HOXC4: variants seen among roughly 807,000 people sequenced by gnomAD.
HOXC4 encodes homeobox protein Hox-C4.
In HOXC4, 15 loss-of-function variants were observed where a neutral mutation model predicts 25.5. The ratio of observed to expected loss-of-function variants is 0.59; its 90% CI spans 0.39 to 0.91. The LOEUF is 0.91. Ranked by LOEUF, HOXC4 falls within the 40% of genes least tolerant of loss-of-function variation. The pLI is 0.00. For synonymous variants in HOXC4, 165 were observed against 148.0 expected (o/e 1.11, Z -0.83); for missense variants, 342 against 352.4 (o/e 0.97, Z 0.24).
At chr12:54,029,498 A>T (rs1158215926) in intron 1 of HOXC4, 2 of 421,258 alleles carry the variant, frequency 4.7e-6, no homozygotes, top group Non-Finnish European at 7.7e-6. Context: ...CTGTACCCCC[A>T]GTGGGGGTGG....
rs764419681 is a variant in HOXC4 at position 54,055,170 on chromosome 12, G to C, written c.760G>C (p.Glu254Gln). 1.2e-6 allele frequency: 2 copies of C among 1,610,760 alleles called. No individual in the cohort carries two copies. Among genetic ancestry groups the C allele is most frequent in the Admixed American group, 3.3e-5 (2 of 59,768 alleles). The change falls in exon 2 of 2, where the codon GAG becomes CAG. Residue 254 changes from glutamate (E) to glutamine (Q), a missense_variant. Glu to Gln is a conservative substitution (Grantham distance 29). Coordinates refer to ENST00000430889, the MANE Select transcript of HOXC4 (RefSeq NM_153633.3). ...CCACTCCCAGAGCGCCACGCCGCCG[G>C]AGCAGCAACGGGCAGAGGACATTAC... ...EDHSQSATPP[E>Q]QQRAEDITRL
intron 1 of HOXC4, among the ~76,000 whole-genome samples, chr12:54,043,282 C>A (rs1279541470): frequency 6.6e-6 from 1 of 152,146 alleles, no homozygotes; most frequent in East Asian, 1.9e-4. Context: ...GATCTGCAAC[C>A]CCATATGGGC....
intron 1 of HOXC4, among the ~76,000 whole-genome samples, chr12:54,029,157 G>A (rs1279675494): frequency 6.6e-6 from 1 of 152,188 alleles, no homozygotes; most frequent in Non-Finnish European, 1.5e-5. Context: ...GGCTGAGGGG[G>A]CAGGAACAGG....
chr12:54,044,871 C>G (rs1269430650), intron 1 of HOXC4, among the ~76,000 whole-genome samples: 1 of 152,204 alleles, frequency 6.6e-6, no homozygotes. Flanking sequence ...TGGCAAGTCC[C>G]TCCCTTGTGC....
At chr12:54,041,980 T>TC (rs1555186448) in intron 1 of HOXC4, among the ~76,000 whole-genome samples, 6 of 141,362 alleles carry the variant, frequency 4.2e-5, no homozygotes, top group East Asian at 4.0e-4. Context: ...TTCTTTTCTT[T>TC]TTTTTTTTTT....
upstream of HOXC4, among the ~76,000 whole-genome samples, chr12:54,050,896 A>G (rs1212210815): frequency 6.6e-6 from 1 of 152,206 alleles, no homozygotes; most frequent in East Asian, 1.9e-4. Flanking sequence ...AATAGTGTGC[A>G]CGCATATATG....
chr12:54,039,024 C>T (rs564467937), intron 1 of HOXC4, among the ~76,000 whole-genome samples: 2 of 152,260 alleles, frequency 1.3e-5, no homozygotes, highest in Admixed American at 6.5e-5. Flanking sequence ...CCTCCCTGTG[C>T]GTCACCGGGA....
intron 1 of HOXC4, among the ~76,000 whole-genome samples, chr12:54,019,091 C>T (rs1237418929): frequency 8.7e-5 from 13 of 150,002 alleles, no homozygotes; most frequent in Admixed American, 7.3e-4. Context: ...TTTCTGCCCC[C>T]GCTAAATTCC....
chr12:54,032,007 G>A (rs1941004972), intron 1 of HOXC4, among the ~76,000 whole-genome samples: 2 of 152,278 alleles, frequency 1.3e-5, no homozygotes, highest in Middle Eastern at 6.8e-3. Context: ...CCATGCTCAC[G>A]TAATATTTGT....
At chr12:54,034,585 G>A in intron 1 of HOXC4, 1 of 1,104,668 alleles carries the variant, frequency 9.1e-7, no homozygotes, top group Non-Finnish European at 1.3e-6. Context: ...TTCGGGTCGG[G>A]GGCAGGTGCT....
chr12:54,050,023 C>T (rs1937809012), upstream of HOXC4, among the ~76,000 whole-genome samples: 1 of 152,064 alleles, frequency 6.6e-6, no homozygotes, highest in Non-Finnish European at 1.5e-5. Flanking sequence ...AAAGGAATGA[C>T]CCTCATTTTC....
intron 1 of HOXC4, chr12:54,034,520 G>A (rs1356345090): frequency 6.3e-7 from 1 of 1,581,604 alleles, no homozygotes; most frequent in Admixed American, 1.7e-5. Flanking sequence ...CGCAGAGCGC[G>A]CCCCTAGCCG....
At chr12:54,054,599 T>A (rs1592250412) in intron 1 of HOXC4, among the ~76,000 whole-genome samples, 2 of 152,184 alleles carry the variant, frequency 1.3e-5, no homozygotes, top group East Asian at 1.9e-4. Flanking sequence ...CGATCTGTTA[T>A]GTATGTGTGA....
rs1937903913 is a variant in HOXC4, at chr12:54,053,884, C to T, written c.-39C>T. On this transcript the variant is annotated 5_prime_UTR_variant, in exon 1 of 2. In the 5' UTR this introduces an upstream ATG that the reference lacks. Coordinates refer to ENST00000430889, the MANE Select transcript of HOXC4 (RefSeq NM_153633.3). ...AGGAGGGCTTTATGGAGCAGAAAAA[C>T]GACAAAGCGAGAAAAATTATTTTCC... 6.5e-7 allele frequency: 1 copy of T among 1,534,534 alleles called. No homozygotes were observed.
rs532657307 is a variant in HOXC4 at position 54,019,401 on chromosome 12, A to C, written c.-124+1987A>C. Among the ~76,000 whole-genome samples, 11 of 152,172 alleles carry C rather than the reference A, an allele frequency of 7.2e-5. No individual in the cohort carries two copies. In the South Asian group the frequency reaches 2.3e-3, roughly 32 times the overall value. On this transcript the variant is annotated intron_variant, in intron 1 of 3. Transcript: ENST00000303406. ...CAGGCCGGAACCCGGAGTCTGTGGG[A>C]CCTGAAAAGGGCAAAGGGAGTGCGG... is the stretch of plus-strand genomic sequence containing the variant.
intron 1 of HOXC4, among the ~76,000 whole-genome samples, chr12:54,046,072 GGGGAAAAA>G (rs1291805401): frequency 6.6e-6 from 1 of 152,064 alleles, no homozygotes; most frequent in Non-Finnish European, 1.5e-5. Flanking sequence ...TTGAAATGTG[GGGGAAAAA>G]GGGATCAAGT....
intron 1 of HOXC4, chr12:54,033,317 C>T (rs1232891084): frequency 1.2e-6 from 2 of 1,614,008 alleles, no homozygotes; most frequent in Admixed American, 1.7e-5. Flanking sequence ...ACATGGCTGC[C>T]AACCCCCGGG....
chr12:54,034,806 G>A, intron 1 of HOXC4: 1 of 355,328 alleles, frequency 2.8e-6, no homozygotes, highest in Non-Finnish European at 5.3e-6. Flanking sequence ...CTTGGCCTGG[G>A]CCGTATCTCC....
At chr12:54,033,609 G>T in intron 1 of HOXC4, 2 of 1,490,340 alleles carry the variant, frequency 1.3e-6, no homozygotes, top group Non-Finnish European at 1.8e-6. Flanking sequence ...GCGCTCTCGG[G>T]TCCGCCTGGG....
Sources: gnomAD v4.1 joint callset for allele counts (sites outside exome capture counted in the v4.1 genomes callset) on GRCh38, gnomAD v4.1.1 for gene constraint, MANE v1.5 for transcripts, NCBI Gene and HGNC (gene_info 2026-07-23, HGNC 2026-07-21) for gene names.